Variants in UNC79 observed in about 807,000 individuals in gnomAD.
UNC79 encodes the protein protein unc-79 homolog.
In UNC79, 37 loss-of-function variants were observed where a neutral mutation model predicts 283.1. The observed-to-expected ratio is 0.13, with a 90% CI of 0.10 to 0.17. The LOEUF (loss-of-function observed/expected upper bound fraction) is 0.17, where lower values mean the gene tolerates loss of function less well. UNC79 is among the 10% of genes least tolerant of loss of function. The pLI is 1.00. For missense variants in UNC79, 2,272 were observed against 3,211.1 expected (o/e 0.71, Z 7.07); for synonymous variants, 1,107 against 1,200.2 (o/e 0.92, Z 1.61).
intron 4 of UNC79, among the ~76,000 whole-genome samples, chr14:93,486,298 A>G (rs2058427815): frequency 6.6e-6 from 1 of 152,156 alleles, no homozygotes; most frequent in Non-Finnish European, 1.5e-5. Flanking sequence ...TTTATTTTAT[A>G]TTTGAGTCCT....
chr14:93,515,315 CTCTTA>C (rs2060006389), intron 7 of UNC79, among the ~76,000 whole-genome samples: 2 of 151,194 alleles, frequency 1.3e-5, no homozygotes, highest in African/African-American at 4.9e-5. Flanking sequence ...TGATGATATT[CTCTTA>C]TCTTCTACTT....
chr14:93,425,687 C>A (rs911163924), upstream of UNC79, among the ~76,000 whole-genome samples: 1 of 151,890 alleles, frequency 6.6e-6, no homozygotes, highest in African/African-American at 2.4e-5. Flanking sequence ...AGAAGCAGAC[C>A]CCACTTCACA....
rs1018922888 is a variant in UNC79 at position 93,624,474 on chromosome 14, C to T, written c.5608+1633C>T. Among the ~76,000 whole-genome samples the T allele has an allele frequency of 3.3e-5, 5 of 152,024 alleles. No individual in the cohort carries two copies. In the East Asian group the frequency reaches 7.7e-4, roughly 23 times the overall value. On this transcript the variant is annotated intron_variant, in intron 30 of 48. Coordinates refer to ENST00000555664, the Ensembl canonical transcript of UNC79. The stretch of plus-strand genomic sequence containing the variant: ...TAGAGGTCTATAGGGCTGGTGCATA[C>T]GAAGCTGAGGTCTACAGGGTGAGTC...
At chr14:93,368,332 C>G (rs2054373888) in intron 1 of UNC79, among the ~76,000 whole-genome samples, 1 of 152,110 alleles carries the variant, frequency 6.6e-6, no homozygotes, top group Non-Finnish European at 1.5e-5. Context: ...GATATGTTTA[C>G]TAGAGACAAC....
At chr14:93,361,232 AAAAAG>A (rs869171972) in intron 1 of UNC79, among the ~76,000 whole-genome samples, 81 of 63,490 alleles carry the variant, frequency 1.3e-3, no homozygotes, top group South Asian at 3.3e-3. Flanking sequence ...AAAAAAAAAA[AAAAAG>A]AAAAGAAAAG....
intron 1 of UNC79, among the ~76,000 whole-genome samples, chr14:93,462,494 A>G (rs1316913073): frequency 6.6e-6 from 1 of 152,192 alleles, no homozygotes; most frequent in Non-Finnish European, 1.5e-5. Context: ...AGCAGTTTAT[A>G]ATTTAAAAAG....
At chr14:93,692,706 G>C (rs2074790538) in intron 46 of UNC79, among the ~76,000 whole-genome samples, 1 of 152,204 alleles carries the variant, frequency 6.6e-6, no homozygotes, top group Admixed American at 6.5e-5. Flanking sequence ...GAAAGGGGCT[G>C]TTCCAGAGCT....
intron 47 of UNC79, among the ~76,000 whole-genome samples, chr14:93,696,954 GTGAGGTGTGGAT>G (rs1401661238): frequency 6.6e-6 from 1 of 152,122 alleles, no homozygotes. Flanking sequence ...TGTATATGGT[GTGAGGTGTGGAT>G]TGAGGTACCT....
At chr14:93,595,748 A>T (rs1440610180) in intron 23 of UNC79, among the ~76,000 whole-genome samples, 1 of 152,162 alleles carries the variant, frequency 6.6e-6, no homozygotes, top group Non-Finnish European at 1.5e-5. Context: ...CATTTTATTT[A>T]TACCACACTA....
chr14:93,682,806 G>A, intron 42 of UNC79, 112 bp downstream of exon 45: 1 of 957,056 alleles, frequency 1.0e-6, no homozygotes, highest in Non-Finnish European at 1.6e-6. Context: ...TACTAGCTAT[G>A]TGACTTTTGG....
At chr14:93,335,025 A>G (rs1159113930) in intron 1 of UNC79, 1 of 152,256 alleles carries the variant, frequency 6.6e-6, no homozygotes, top group Non-Finnish European at 1.5e-5. Context: ...CAATTTAAAA[A>G]ACAAAATTAA....
chr14:93,702,177 A>T (rs2075578924), intron 47 of UNC79, among the ~76,000 whole-genome samples: 1 of 152,098 alleles, frequency 6.6e-6, no homozygotes, highest in African/African-American at 2.4e-5. Flanking sequence ...TTCCATTCAG[A>T]ATGTCTAGAG....
rs559547233 is a variant in UNC79, at chr14:93,649,183, G to T, written c.6083+2537G>T. Among the ~76,000 whole-genome samples the T allele has an allele frequency of 4.6e-5, 7 of 152,266 alleles. No homozygotes were observed. The South Asian group carries it at 1.5e-3, about 32-fold the overall frequency. On this transcript the variant is annotated intron_variant, in intron 35 of 48. Transcript: ENST00000555664. Reference sequence around the variant, plus strand: ...ATAGAGTGTATATGATAGCATAACTGTAGCAGGTCCTACAAACATAAGATG... The same window carrying T: ...ATAGAGTGTATATGATAGCATAACTTTAGCAGGTCCTACAAACATAAGATG...
At chr14:93,374,710 T>C (rs540472146) in intron 1 of UNC79, among the ~76,000 whole-genome samples, 198 of 152,266 alleles carry the variant, frequency 1.3e-3, no homozygotes, top group African/African-American at 4.4e-3. Context: ...GGCTAATTTT[T>C]AAAAAATATT....
chr14:93,695,890 CAAA>C lies in UNC79; in HGVS notation c.7548+1496_7548+1498del, dbSNP rs535235954. Among the ~76,000 whole-genome samples, 69 of 39,434 alleles carry C rather than the reference CAAA, an allele frequency of 1.7e-3. 2 individuals are homozygous for C. Among genetic ancestry groups the C allele is most frequent in the African/African-American group, 5.4e-3 (51 of 9,440 alleles). 25.9% of individuals were successfully genotyped at this position (39,434 alleles called of 152,430 possible). ...TGGGCAACAGGATGAGACTTTGTCT[CAAA>C]AAAAAAAAAAAAAAAAAGCAAACAA... is the stretch of plus-strand genomic sequence containing the variant. On this transcript the variant is annotated intron_variant, in intron 47 of 48. Coordinates refer to ENST00000555664, the Ensembl canonical transcript of UNC79.
At chr14:93,421,127 A>C (rs1039241375) in intron 1 of UNC79, among the ~76,000 whole-genome samples, 1 of 151,732 alleles carries the variant, frequency 6.6e-6, no homozygotes, top group Non-Finnish European at 1.5e-5. Flanking sequence ...AATGAATTTA[A>C]TATGAAGAAA....
chr14:93,360,898 A>G (rs1435330197), intron 1 of UNC79, among the ~76,000 whole-genome samples: 2 of 152,124 alleles, frequency 1.3e-5, no homozygotes, highest in Non-Finnish European at 2.9e-5. Flanking sequence ...AAGTTGCTGC[A>G]TTTGGCCTCT....
rs1340100461 is a variant in UNC79 at position 93,657,001 on chromosome 14, G to C, written c.6456+1594G>C. 1.3e-5 allele frequency among the ~76,000 whole-genome samples: 2 copies of C among 152,198 alleles called. 1 individual carries two copies. Among genetic ancestry groups the C allele is most frequent in the Non-Finnish European group, 2.9e-5 (2 of 68,036 alleles). On this transcript the variant is annotated intron_variant, in intron 38 of 48. Coordinates refer to ENST00000555664, the Ensembl canonical transcript of UNC79. ...GCTAATACATTTTTCCAAATGGGCAGATACTACTAATAGGTCTGTAAGGGA... is the reference window on the plus strand; with the variant it reads ...GCTAATACATTTTTCCAAATGGGCACATACTACTAATAGGTCTGTAAGGGA...
chr14:93,571,814 A>G (rs2063221835), intron 14 of UNC79, 80 bp from the exon 15 acceptor site: 6 of 1,490,044 alleles, frequency 4.0e-6, no homozygotes, highest in Admixed American at 3.7e-5. Flanking sequence ...CTCTGTACCC[A>G]TTGCCTTAGG....
Sources: gnomAD v4.1 joint callset for allele counts (sites outside exome capture counted in the v4.1 genomes callset) on GRCh38, gnomAD v4.1.1 for gene constraint, MANE v1.5 for transcripts, NCBI Gene and HGNC (gene_info 2026-07-23, HGNC 2026-07-21) for gene names.